VSTM4: variants seen among roughly 807,000 people sequenced by gnomAD.
VSTM4 encodes V-set and transmembrane domain containing 4, also known as V-set and transmembrane domain-containing protein 4.
VSTM4 carries 20 observed loss-of-function variants against 36.4 expected under a neutral mutation model. That is an observed-to-expected ratio of 0.55 (90% CI 0.39 to 0.80). The LOEUF (loss-of-function observed/expected upper bound fraction) is 0.80, where lower values mean the gene tolerates loss of function less well. Among genes scored for constraint, VSTM4 ranks in the 30% least tolerant of loss-of-function variants. The pLI, the probability that VSTM4 is intolerant of heterozygous loss-of-function variation, is 0.00. For missense variants in VSTM4, 392 were observed against 404.5 expected, an observed-to-expected ratio of 0.97 and a Z score of 0.26; for synonymous variants, 182 against 173.9, an observed-to-expected ratio of 1.05 and a Z score of -0.37.
chr10:49,108,521 T>TG, intron 1 of VSTM4, among the ~76,000 whole-genome samples: 1 of 152,192 alleles, frequency 6.6e-6, no homozygotes, highest in Non-Finnish European at 1.5e-5. Context: ...ACCAGGAAGC[T>TG]GGGCCCCTTT....
At chr10:49,069,103 C>A (rs559503481) in intron 4 of VSTM4, among the ~76,000 whole-genome samples, 57 of 152,226 alleles carry the variant, frequency 3.7e-4, no homozygotes, top group African/African-American at 1.3e-3. Context: ...GATGGCATGT[C>A]CAGCCTGAAG....
intron 7 of VSTM4, 48 bp from the exon 8 acceptor site, chr10:49,019,823 A>G: frequency 6.3e-7 from 1 of 1,587,186 alleles, no homozygotes; most frequent in Non-Finnish European, 8.6e-7. Flanking sequence ...TGACCACAGG[A>G]GCTCTACATC....
intron 1 of VSTM4, among the ~76,000 whole-genome samples, chr10:49,112,916 G>A (rs1006682201): frequency 1.3e-5 from 2 of 152,202 alleles, no homozygotes; most frequent in Admixed American, 6.5e-5. Context: ...CTAGGACACC[G>A]TTGTAGCTGA....
intron 7 of VSTM4, among the ~76,000 whole-genome samples, chr10:49,022,186 A>G (rs142692108): frequency 2.8e-4 from 43 of 152,310 alleles, no homozygotes; most frequent in African/African-American, 9.6e-4. Flanking sequence ...AAAGTTGGTC[A>G]TGAATTTATA....
At chr10:49,084,206 A>C (rs911315639) in intron 3 of VSTM4, among the ~76,000 whole-genome samples, 1 of 152,234 alleles carries the variant, frequency 6.6e-6, no homozygotes, top group Non-Finnish European at 1.5e-5. Flanking sequence ...AATGCCAATG[A>C]GTAGGCATTC....
At chr10:49,057,039 C>G (rs941936365) in intron 5 of VSTM4, among the ~76,000 whole-genome samples, 2 of 151,854 alleles carry the variant, frequency 1.3e-5, no homozygotes, top group Admixed American at 1.3e-4. Flanking sequence ...GGGCCAGGCT[C>G]TTTTAAACAA....
At chr10:49,058,476 G>A (rs200669773) in intron 5 of VSTM4, among the ~76,000 whole-genome samples, 1 of 152,170 alleles carries the variant, frequency 6.6e-6, no homozygotes. Context: ...TCCCTGGGAA[G>A]GGCACATTGA....
At chr10:49,055,155 C>T (rs1843757252) in intron 5 of VSTM4, among the ~76,000 whole-genome samples, 1 of 152,192 alleles carries the variant, frequency 6.6e-6, no homozygotes, top group African/African-American at 2.4e-5. Context: ...ACCCTTAGTG[C>T]ATGGAGCTAA....
At chr10:49,087,590 C>T (rs191747790) in intron 2 of VSTM4, among the ~76,000 whole-genome samples, 7 of 152,266 alleles carry the variant, frequency 4.6e-5, no homozygotes, top group African/African-American at 1.4e-4. Context: ...CTGGTTTGCC[C>T]TTACTCAGGG....
At chr10:49,112,583 G>A (rs1328029198) in intron 1 of VSTM4, among the ~76,000 whole-genome samples, 3 of 152,226 alleles carry the variant, frequency 2.0e-5, no homozygotes, top group Non-Finnish European at 2.9e-5. Context: ...CTGGGGAGGT[G>A]GGAGCAATAG....
chr10:49,059,297 G>A (rs1224157020), intron 5 of VSTM4, among the ~76,000 whole-genome samples: 1 of 152,212 alleles, frequency 6.6e-6, no homozygotes, highest in East Asian at 1.9e-4. Flanking sequence ...TGCTCATAGG[G>A]AGAACTGCCA....
intron 1 of VSTM4, among the ~76,000 whole-genome samples, chr10:49,109,474 A>ATG (rs5784790): frequency 0.45 from 69,042 of 151,846 alleles, 16,409 homozygotes; most frequent in African/African-American, 0.61. Context: ...CTCAAGACAG[A>ATG]TGATTTCAGG....
At chr10:49,046,857 T>C in intron 7 of VSTM4, 126 bp downstream of exon 7, 1 of 949,358 alleles carries the variant, frequency 1.1e-6, no homozygotes, top group East Asian at 2.4e-5. Flanking sequence ...ATAGAGAATG[T>C]TTTTGTTTGG....
At chr10:49,113,229 T>A (rs1205772496) in intron 1 of VSTM4, among the ~76,000 whole-genome samples, 1 of 152,244 alleles carries the variant, frequency 6.6e-6, no homozygotes, top group Non-Finnish European at 1.5e-5. Context: ...TTCATACAGC[T>A]AAATCTCTGA....
rs554242477 is a variant in VSTM4 at position 49,077,231 on chromosome 10, G to A, written c.622C>T (p.Arg208Trp). ...VIVWQSVFNK[R>W]KSRVRHYLVK... ...TCTGTTTTCTTACCTCTGGATTTCCGCTTGTTAAACACAGACTGCCAGACG... is the reference window on the plus strand; with the variant it reads ...TCTGTTTTCTTACCTCTGGATTTCCACTTGTTAAACACAGACTGCCAGACG... Residue 208 changes from arginine (R) to tryptophan (W), a missense_variant, in exon 4 of 8, where the codon CGG becomes TGG. Physicochemically the swap from Arg to Trp is moderately radical, Grantham distance 101. Transcript: ENST00000332853. The A allele has an allele frequency of 2.7e-5, 43 of 1,613,830 alleles. No individual in the cohort carries two copies. Among genetic ancestry groups the A allele is most frequent in the Middle Eastern group, 3.4e-4 (2 of 5,948 alleles).
Position 49,107,794 on chromosome 10 carries a change from TACTGC to T in VSTM4, c.252_256del (p.Gln85LeufsTer74). ...GGCGCTGCGGCTGAAATTCCCATAG[TACTGC>T]ACCACCCGGAGCTTGGTCATCTTCA... is the stretch of plus-strand genomic sequence containing the variant. On this transcript the variant is annotated frameshift_variant, in exon 2 of 8. Transcript: ENST00000332853. LOFTEE classifies it high-confidence loss of function. 1 of 1,614,280 alleles carries T rather than the reference TACTGC, an allele frequency of 6.2e-7. No individual in the cohort carries two copies. The highest frequency in any genetic ancestry group is 1.6e-4 in the Middle Eastern group (1 of 6,062).
intron 2 of VSTM4, among the ~76,000 whole-genome samples, chr10:49,101,987 GTT>G (rs564090840): frequency 0.019 from 1,846 of 99,218 alleles, 53 homozygotes; most frequent in South Asian, 0.13. Context: ...GTGTGTGTGT[GTT>G]TGTGTGTGTG....
At chr10:49,077,911 T>A (rs1238122460) in intron 3 of VSTM4, among the ~76,000 whole-genome samples, 1 of 151,376 alleles carries the variant, frequency 6.6e-6, no homozygotes, top group Admixed American at 6.6e-5. Flanking sequence ...GTAAACCACA[T>A]ATCCAACAAA....
chr10:49,065,329 T>G (rs1366248065), intron 4 of VSTM4, among the ~76,000 whole-genome samples: 1 of 152,204 alleles, frequency 6.6e-6, no homozygotes, highest in Non-Finnish European at 1.5e-5. Flanking sequence ...GAGGTAAAGC[T>G]GAAACAACCA....
Sources: allele counts gnomAD v4.1 joint callset (sites outside exome capture counted in the v4.1 genomes callset), GRCh38; gene constraint gnomAD v4.1.1; transcripts MANE v1.5; gene names NCBI Gene and HGNC (gene_info 2026-07-23, HGNC 2026-07-21).